Variants in GDF6 observed in about 807,000 individuals in gnomAD.
The protein encoded by GDF6 is growth/differentiation factor 6.
GDF6 carries 3 observed loss-of-function variants against 32.4 expected under a neutral mutation model. The observed-to-expected ratio is 0.09, with a 90% CI of 0.04 to 0.24. The LOEUF (loss-of-function observed/expected upper bound fraction) is 0.24. GDF6 is among the 10% of genes least tolerant of loss of function. The pLI is 1.00. For synonymous variants in GDF6, 296 were observed against 295.3 expected (o/e 1.00, Z -0.03); for missense variants, 589 against 637.9 (o/e 0.92, Z 0.83).
Position 96,146,721 on chromosome 8 carries a change from GAGAGAT to G in GDF6, c.407-1203_407-1198del, listed in dbSNP as rs1483175524. ...ACACACACACACAGAGAGAGAGAGA[GAGAGAT>G]AGAGAGACTTTCCCATCTCTCCTCC... On this transcript the variant is annotated intron_variant, in intron 1 of 1. Transcript: ENST00000287020. 2.0e-3 allele frequency among the ~76,000 whole-genome samples: 283 copies of G among 141,584 alleles called. 2 individuals are homozygous for G. Among genetic ancestry groups the G allele is most frequent in the African/African-American group, 7.1e-3 (263 of 37,182 alleles). The allele number at this position is 141,584 out of a possible 152,430, so 92.9% of individuals were successfully genotyped here.
intron 1 of GDF6, among the ~76,000 whole-genome samples, chr8:96,150,687 C>T (rs1490231714): frequency 1.3e-5 from 2 of 152,234 alleles, no homozygotes; most frequent in African/African-American, 2.4e-5. Context: ...AGTCCTGCAG[C>T]GCAAGAGACA....
In GDF6 at chr8:96,145,226, G is replaced by A. The variant is rs1221652355; in HGVS notation, c.705C>T (p.Ala235=). The change falls in exon 2 of 2, where the codon GCC becomes GCT. Residue 235 remains alanine (A), a synonymous_variant. Transcript: ENST00000287020. The surrounding 1 kb of genome is among the most constrained non-coding windows in gnomAD (Gnocchi z 5.6). ...PWKQLCLELR[A]AWGELDAGEA... is the part of the protein sequence containing the mutation. The stretch of plus-strand genomic sequence containing the variant: ...CCCCGGCGTCCAGCTCGCCCCATGC[G>A]GCCCGCAGCTCCAAGCACAGCTGCT... 6.6e-7 allele frequency: 1 copy of A among 1,511,904 alleles called. No individual in the cohort carries two copies. Among genetic ancestry groups the A allele is most frequent in the Non-Finnish European group, 8.8e-7 (1 of 1,137,550 alleles). The allele number at this position is 1,511,904 out of a possible 1,614,324, so 93.7% of individuals were successfully genotyped here.
In GDF6 at chr8:96,158,115, T is replaced by A. The variant is rs569455755; in HGVS notation, c.406+2172A>T. ...AGCGCCTTTGAAGATGCTGTCCGGG[T>A]GGTCATGCAGCGTCTCCTCCCGCTG... On this transcript the variant is annotated intron_variant, in intron 1 of 1. Transcript: ENST00000287020. Among the ~76,000 whole-genome samples, 4 of 152,246 alleles carry A rather than the reference T, an allele frequency of 2.6e-5. No homozygotes were observed. In the South Asian group the frequency reaches 8.3e-4, roughly 32 times the overall value.
chr8:96,160,536 G>T lies in GDF6; in HGVS notation c.157C>A (p.Arg53=), dbSNP rs753326851. 3.1e-6 allele frequency: 5 copies of T among 1,613,484 alleles called. No homozygotes were observed. In the Admixed American group the frequency reaches 6.7e-5, roughly 22 times the overall value. The change falls in exon 1 of 2, where the codon CGG becomes AGG. Residue 53 remains arginine (R), a synonymous_variant. Coordinates refer to ENST00000287020, the MANE Select transcript of GDF6 (RefSeq NM_001001557.4). Reference sequence around the variant, plus strand: ...CCCGCGTCACTGTCGCGCGGCGCCCGCTGCATCTTGCCTTCCTTGCGGCTT... The same window carrying T: ...CCCGCGTCACTGTCGCGCGGCGCCCTCTGCATCTTGCCTTCCTTGCGGCTT... ...MRSRKEGKMQ[R]APRDSDAGRE...
At chr8:96,152,577 T>C (rs1563511763) in intron 1 of GDF6, among the ~76,000 whole-genome samples, 1 of 152,170 alleles carries the variant, frequency 6.6e-6, no homozygotes, top group Non-Finnish European at 1.5e-5. Context: ...AGGGCTGCAA[T>C]GGAGGGCCCC....
intron 1 of GDF6, among the ~76,000 whole-genome samples, chr8:96,159,403 G>A (rs545243525): frequency 6.6e-6 from 1 of 152,238 alleles, no homozygotes; most frequent in African/African-American, 2.4e-5. Flanking sequence ...GGCAAGAAGG[G>A]GCCGCAAGGG....
At chr8:96,155,357 A>G (rs1812644234) in intron 1 of GDF6, among the ~76,000 whole-genome samples, 1 of 152,262 alleles carries the variant, frequency 6.6e-6, no homozygotes, top group African/African-American at 2.4e-5. Context: ...TAAGGCCTTA[A>G]GGATTGGAAC....
At position 96,160,335 on chromosome 8, in the gene GDF6, A is replaced by C; in HGVS notation, c.358T>G (p.Ser120Ala). 6.2e-7 allele frequency: 1 copy of C among 1,614,222 alleles called. No homozygotes were observed. The highest frequency in any genetic ancestry group is 8.5e-7 in the Non-Finnish European group (1 of 1,180,036). ...GTGATCGTATTAGCCGACTTGGAAGACTGGAAAAAGCTGGCATTGATGCCC... is the reference window on the plus strand; with the variant it reads ...GTGATCGTATTAGCCGACTTGGAAGCCTGGAAAAAGCTGGCATTGATGCCC... Reference protein sequence around the residue: ...KLGINASFFQSSKSANTITSF... With the variant: ...KLGINASFFQASKSANTITSF... Residue 120 changes from serine (S) to alanine (A), a missense_variant, in exon 1 of 2, where the codon TCT becomes GCT. Physicochemically the swap from Ser to Ala is moderately conservative, Grantham distance 99. This residue lies in a region of GDF6 where 436 missense variants were observed against 411.2 expected (regional missense o/e 1.06). Transcript: ENST00000287020.
At chr8:96,149,763 T>A (rs1164006622) in intron 1 of GDF6, among the ~76,000 whole-genome samples, 1 of 152,212 alleles carries the variant, frequency 6.6e-6, no homozygotes, top group African/African-American at 2.4e-5. Context: ...GAAAAGGGCA[T>A]CTGTCCACGG....
chr8:96,159,743 A>G (rs1377056219), intron 1 of GDF6, among the ~76,000 whole-genome samples: 1 of 152,242 alleles, frequency 6.6e-6, no homozygotes, highest in Non-Finnish European at 1.5e-5. Context: ...GCAGGGACCA[A>G]CGGAAAACCC....
chr8:96,157,619 G>C (rs1812690998), intron 1 of GDF6, among the ~76,000 whole-genome samples: 2 of 152,140 alleles, frequency 1.3e-5, no homozygotes, highest in Admixed American at 1.3e-4. Flanking sequence ...TTTCCTCCTC[G>C]CCAGGCCGTC....
Position 96,145,562 on chromosome 8 carries a change from A to G in GDF6, c.407-38T>C, listed in dbSNP as rs1812464314. 1 of 1,597,034 alleles carries G rather than the reference A, an allele frequency of 6.3e-7. No individual in the cohort carries two copies. The highest frequency in any genetic ancestry group is 2.2e-5 in the East Asian group (1 of 44,834). On this transcript the variant is annotated intron_variant, in intron 1 of 1. Coordinates refer to ENST00000287020, the MANE Select transcript of GDF6 (RefSeq NM_001001557.4). The surrounding 1 kb of genome is among the most constrained non-coding windows in gnomAD (Gnocchi z 5.6). ...AAATAATTACAGTCAGTTTCACTTAAGGGGGAGATCAGCCCGGTGCTCTTC... is the reference window on the plus strand; with the variant it reads ...AAATAATTACAGTCAGTTTCACTTAGGGGGGAGATCAGCCCGGTGCTCTTC...
chr8:96,145,888 G>A lies in GDF6; in HGVS notation c.407-364C>T, dbSNP rs1812477665. 1.3e-5 allele frequency among the ~76,000 whole-genome samples: 2 copies of A among 152,158 alleles called. No homozygotes were observed. Among genetic ancestry groups the A allele is most frequent in the African/African-American group, 4.8e-5 (2 of 41,426 alleles). ...CCGCGTTTCCCCTAGACCTCCTCTG[G>A]GCTGGGCTGGCTCGTTCTCGTTGAC... On this transcript the variant is annotated intron_variant, in intron 1 of 1. Transcript: ENST00000287020. The surrounding 1 kb of genome is among the most constrained non-coding windows in gnomAD (Gnocchi z 5.6).
At chr8:96,152,929 T>A (rs1422133731) in intron 1 of GDF6, among the ~76,000 whole-genome samples, 1 of 151,980 alleles carries the variant, frequency 6.6e-6, no homozygotes, top group Non-Finnish European at 1.5e-5. Flanking sequence ...CTGGGAGAAA[T>A]CCCTGTATGG....
At chr8:96,159,363 G>T (rs914717528) in intron 1 of GDF6, among the ~76,000 whole-genome samples, 1 of 152,032 alleles carries the variant, frequency 6.6e-6, no homozygotes, top group African/African-American at 2.4e-5. Flanking sequence ...TTTCTTGAGG[G>T]CACTGGCCAC....
intron 1 of GDF6, among the ~76,000 whole-genome samples, chr8:96,148,307 CAG>C (rs1812516166): frequency 6.6e-6 from 1 of 152,212 alleles, no homozygotes; most frequent in Non-Finnish European, 1.5e-5. Flanking sequence ...GTGCACACAT[CAG>C]TGGTTCGATC....
In GDF6 at chr8:96,144,280, G is replaced by T; in HGVS notation, c.*283C>A. On this transcript the variant is annotated 3_prime_UTR_variant, in exon 2 of 2. Coordinates refer to ENST00000287020, the MANE Select transcript of GDF6 (RefSeq NM_001001557.4). This position sits in a 1 kb window ranked among gnomAD's most constrained non-coding sequence, Gnocchi z 5.1. ...AGAGAGAGAGAGAGAGAGAGAGAGA[G>T]AGAGAGAGAGAAAACAGAACAAAAG... 2.1e-6 allele frequency: 1 copy of T among 482,356 alleles called. No individual in the cohort carries two copies. Among genetic ancestry groups the T allele is most frequent in the Non-Finnish European group, 3.8e-6 (1 of 266,238 alleles). 29.9% of individuals were successfully genotyped at this position (482,356 alleles called of 1,614,324 possible).
intron 1 of GDF6, among the ~76,000 whole-genome samples, chr8:96,154,842 C>A (rs1464198943): frequency 2.0e-5 from 3 of 152,206 alleles, no homozygotes; most frequent in Non-Finnish European, 4.4e-5. Flanking sequence ...TCCGCCACCG[C>A]CCCAGAAAGA....
Position 96,155,570 on chromosome 8 carries a change from G to A in GDF6, c.406+4717C>T, listed in dbSNP as rs1254864954. 3.3e-5 allele frequency among the ~76,000 whole-genome samples: 5 copies of A among 152,166 alleles called. No homozygotes were observed. The East Asian group carries it at 9.7e-4, about 29-fold the overall frequency. On this transcript the variant is annotated intron_variant, in intron 1 of 1. Transcript: ENST00000287020. ...GCCTGGACAGTGGCACAAACCCCGT[G>A]CCCGCGCTCATGCAGGCGCACCCTC...
Sources: gnomAD v4.1 joint callset for allele counts (sites outside exome capture counted in the v4.1 genomes callset) on GRCh38, gnomAD v4.1.1 for gene constraint, gnomAD v4.1.1 regional missense constraint, Gnocchi (gnomAD v3.1) non-coding constraint, MANE v1.5 for transcripts, NCBI Gene and HGNC (gene_info 2026-07-23, HGNC 2026-07-21) for gene names.